ERC2: variants seen among roughly 807,000 people sequenced by gnomAD.
The protein encoded by ERC2 is ERC protein 2.
In ERC2, 42 loss-of-function variants were observed where a neutral mutation model predicts 114.8. The ratio of observed to expected loss-of-function variants is 0.37; its 90% CI spans 0.29 to 0.47. The LOEUF is 0.47. ERC2 is among the 20% of genes least tolerant of loss of function. The pLI, the probability that ERC2 is intolerant of heterozygous loss-of-function variation, is 0.99. For missense variants in ERC2, 939 were observed against 1,150.7 expected (o/e 0.82, Z 2.66); for synonymous variants, 454 against 425.5 (o/e 1.07, Z -0.82).
At chr3:56,203,312 T>C (rs1020028049) in intron 3 of ERC2, among the ~76,000 whole-genome samples, 1 of 143,970 alleles carries the variant, frequency 6.9e-6, no homozygotes, top group Non-Finnish European at 1.5e-5. Flanking sequence ...AAGAGCTATT[T>C]GTAGAAGCTG....
intron 14 of ERC2, among the ~76,000 whole-genome samples, chr3:55,876,125 C>T (rs72879147): frequency 1.6e-3 from 251 of 152,304 alleles, no homozygotes; most frequent in African/African-American, 5.8e-3. Context: ...CAAAGCCCAC[C>T]TCCATGCTAT....
chr3:55,809,595 A>AT (rs1275984133), intron 14 of ERC2, among the ~76,000 whole-genome samples: 1 of 152,206 alleles, frequency 6.6e-6, no homozygotes, highest in African/African-American at 2.4e-5. Flanking sequence ...CCGTAAAACA[A>AT]TAAGAAATAA....
chr3:55,619,097 G>A (rs777962387), intron 17 of ERC2, among the ~76,000 whole-genome samples: 5 of 152,148 alleles, frequency 3.3e-5, no homozygotes, highest in Admixed American at 2.0e-4. Context: ...TACAAATGTC[G>A]AGGACTCCCC....
intron 12 of ERC2, among the ~76,000 whole-genome samples, chr3:55,965,679 C>T (rs2068700767): frequency 6.6e-6 from 1 of 152,194 alleles, no homozygotes; most frequent in South Asian, 2.1e-4. Flanking sequence ...GAAGGCTTAA[C>T]TTATGCTCAA....
At chr3:56,454,998 T>C (rs1371593100) in intron 1 of ERC2, among the ~76,000 whole-genome samples, 1 of 151,870 alleles carries the variant, frequency 6.6e-6, no homozygotes, top group Non-Finnish European at 1.5e-5. Context: ...GTACCTAGAA[T>C]AGTCAAATTC....
At chr3:55,582,406 C>T (rs181660286) in intron 17 of ERC2, among the ~76,000 whole-genome samples, 2 of 152,304 alleles carry the variant, frequency 1.3e-5, no homozygotes, top group Admixed American at 6.5e-5. Flanking sequence ...CCGACCTGCT[C>T]TCCTCCTCAA....
At chr3:56,385,977 G>A (rs2059919113) in intron 2 of ERC2, among the ~76,000 whole-genome samples, 1 of 152,118 alleles carries the variant, frequency 6.6e-6, no homozygotes. Context: ...TTTGCCAAAA[G>A]GAAAGCATTA....
intron 17 of ERC2, among the ~76,000 whole-genome samples, chr3:55,616,413 G>T (rs922666750): frequency 2.0e-5 from 3 of 152,020 alleles, no homozygotes; most frequent in Non-Finnish European, 4.4e-5. Context: ...ATACAGATAC[G>T]TTTTTATATT....
intron 2 of ERC2, among the ~76,000 whole-genome samples, chr3:56,391,595 T>C (rs1253103650): frequency 6.6e-6 from 1 of 152,154 alleles, no homozygotes; most frequent in South Asian, 2.1e-4. Flanking sequence ...CTCAAATAAG[T>C]AGGTGAACTG....
intron 14 of ERC2, among the ~76,000 whole-genome samples, chr3:55,857,460 C>T (rs1319559269): frequency 6.6e-6 from 1 of 152,050 alleles, no homozygotes; most frequent in Non-Finnish European, 1.5e-5. Context: ...TTTAAATATA[C>T]AATTCAGTGG....
chr3:55,813,695 T>G (rs1039991306), intron 14 of ERC2, among the ~76,000 whole-genome samples: 6 of 152,156 alleles, frequency 3.9e-5, no homozygotes, highest in African/African-American at 1.4e-4. Flanking sequence ...AAATAAAAAT[T>G]ATGTAACACA....
intron 13 of ERC2, among the ~76,000 whole-genome samples, chr3:55,902,532 A>G (rs1214295006): frequency 6.6e-6 from 1 of 152,230 alleles, no homozygotes; most frequent in Non-Finnish European, 1.5e-5. Context: ...GAGGCACCAC[A>G]TGAGCAAGGC....
At chr3:56,402,718 T>C (rs2060567077) in intron 2 of ERC2, among the ~76,000 whole-genome samples, 2 of 152,218 alleles carry the variant, frequency 1.3e-5, no homozygotes, top group African/African-American at 2.4e-5. Context: ...TTATTAGCAG[T>C]AAGGTTGAGC....
intron 2 of ERC2, among the ~76,000 whole-genome samples, chr3:56,331,982 A>G (rs6445780): frequency 0.09 from 13,646 of 152,168 alleles, 1,060 homozygotes; most frequent in African/African-American, 0.21. Context: ...CCTGCTGAAG[A>G]TTCACTGGTG....
intron 13 of ERC2, among the ~76,000 whole-genome samples, chr3:55,898,330 T>C (rs1291705212): frequency 6.6e-6 from 1 of 152,112 alleles, no homozygotes; most frequent in Non-Finnish European, 1.5e-5. Context: ...TACACGTGTG[T>C]CACAGTTCTG....
intron 14 of ERC2, among the ~76,000 whole-genome samples, chr3:55,851,391 G>T (rs950346296): frequency 2.0e-5 from 3 of 152,106 alleles, no homozygotes; most frequent in African/African-American, 7.2e-5. Context: ...CAATTATTTT[G>T]TCATTGTCTT....
chr3:55,739,479 G>C (rs953263392), intron 14 of ERC2, among the ~76,000 whole-genome samples: 3 of 152,202 alleles, frequency 2.0e-5, no homozygotes, highest in African/African-American at 7.2e-5. Context: ...GTACGTCATT[G>C]TGGTTTTGAT....
At chr3:55,756,376 C>T (rs2067060477) in intron 14 of ERC2, among the ~76,000 whole-genome samples, 1 of 152,098 alleles carries the variant, frequency 6.6e-6, no homozygotes, top group African/African-American at 2.4e-5. Context: ...TGAACTTAGT[C>T]TATGCCCTTG....
intron 17 of ERC2, among the ~76,000 whole-genome samples, chr3:55,634,522 C>T (rs2059882332): frequency 6.6e-6 from 1 of 152,134 alleles, no homozygotes; most frequent in Non-Finnish European, 1.5e-5. Flanking sequence ...CAGCATTCTT[C>T]CAGAGGAATG....
Sources: gnomAD v4.1 joint callset for allele counts (sites outside exome capture counted in the v4.1 genomes callset) on GRCh38, gnomAD v4.1.1 for gene constraint, MANE v1.5 for transcripts, NCBI Gene and HGNC (gene_info 2026-07-23, HGNC 2026-07-21) for gene names.